The following ADARB2 variants were observed in gnomAD, a reference collection of about 807,000 sequenced individuals.
The protein encoded by ADARB2 is adenosine deaminase RNA specific B2 (inactive).
ADARB2 carries 25 observed loss-of-function variants against 62.2 expected under a neutral mutation model. The observed-to-expected ratio is 0.40, with a 90% CI of 0.29 to 0.56. ADARB2 has a LOEUF of 0.56. ADARB2 is among the 20% of genes least tolerant of loss of function. The pLI, the probability that ADARB2 is intolerant of heterozygous loss-of-function variation, is 0.43. For missense variants in ADARB2, 1,071 were observed against 1,077.4 expected (o/e 0.99, Z 0.08); for synonymous variants, 572 against 500.8 (o/e 1.14, Z -1.90).
At chr10:1,202,902 T>A (rs1837006247) in intron 7 of ADARB2, among the ~76,000 whole-genome samples, 1 of 152,250 alleles carries the variant, frequency 6.6e-6, no homozygotes, top group Non-Finnish European at 1.5e-5. Context: ...GTGGCTGTGA[T>A]GCTGCAGGAC....
intron 1 of ADARB2, among the ~76,000 whole-genome samples, chr10:1,719,651 T>C (rs1588365877): frequency 6.6e-6 from 1 of 152,156 alleles, no homozygotes; most frequent in South Asian, 2.1e-4. Context: ...ACCATGTATC[T>C]GACAAAGGTT....
At chr10:1,457,861 A>G (rs1229994447) in intron 1 of ADARB2, among the ~76,000 whole-genome samples, 1 of 42,710 alleles carries the variant, frequency 2.3e-5, no homozygotes, top group African/African-American at 6.3e-5. Context: ...AAAGACTGGA[A>G]CAAAAATCAT....
At chr10:1,364,958 C>T (rs372248145) in intron 2 of ADARB2, among the ~76,000 whole-genome samples, 22 of 151,848 alleles carry the variant, frequency 1.4e-4, no homozygotes, top group African/African-American at 2.4e-4. Context: ...CTGCAACCTC[C>T]GCCTCCCAGA....
At chr10:1,559,873 G>A (rs1239362703) in intron 1 of ADARB2, among the ~76,000 whole-genome samples, 1 of 152,216 alleles carries the variant, frequency 6.6e-6, no homozygotes, top group African/African-American at 2.4e-5. Flanking sequence ...TCTCATCATC[G>A]CTAGAGATGG....
At chr10:1,695,979 A>T (rs571337594) in intron 1 of ADARB2, among the ~76,000 whole-genome samples, 1 of 151,296 alleles carries the variant, frequency 6.6e-6, no homozygotes, top group Non-Finnish European at 1.5e-5. Flanking sequence ...GTGAGAGAAT[A>T]TGTGCATGCA....
intron 3 of ADARB2, among the ~76,000 whole-genome samples, chr10:1,280,338 G>A (rs751181007): frequency 3.9e-5 from 6 of 152,176 alleles, no homozygotes; most frequent in Non-Finnish European, 5.9e-5. Flanking sequence ...TGTTAGCCTG[G>A]TGGGTACACC....
intron 1 of ADARB2, among the ~76,000 whole-genome samples, chr10:1,441,123 C>G (rs183244564): frequency 9.2e-5 from 14 of 152,142 alleles, no homozygotes; most frequent in Admixed American, 7.9e-4. Flanking sequence ...GTGCAGTAGA[C>G]GACTAGTTTC....
At chr10:1,501,268 G>A (rs931766453) in intron 1 of ADARB2, among the ~76,000 whole-genome samples, 3 of 152,200 alleles carry the variant, frequency 2.0e-5, no homozygotes, top group Non-Finnish European at 4.4e-5. Flanking sequence ...TAGCTATGTA[G>A]GGAAACAGTT....
chr10:1,440,910 A>G (rs997517963), intron 1 of ADARB2, among the ~76,000 whole-genome samples: 2 of 152,222 alleles, frequency 1.3e-5, no homozygotes, highest in Admixed American at 6.5e-5. Context: ...ACGAAAATTC[A>G]TGTGTTCAAG....
intron 1 of ADARB2, among the ~76,000 whole-genome samples, chr10:1,427,462 C>T (rs1385938606): frequency 6.6e-6 from 1 of 152,178 alleles, no homozygotes; most frequent in Non-Finnish European, 1.5e-5. Context: ...GGCAAATAGG[C>T]ATATGAAAAG....
intron 1 of ADARB2, among the ~76,000 whole-genome samples, chr10:1,571,336 T>C (rs771216636): frequency 6.6e-6 from 1 of 152,190 alleles, no homozygotes; most frequent in Non-Finnish European, 1.5e-5. Flanking sequence ...TACAATTTCA[T>C]GAAAATATTT....
chr10:1,514,478 T>G (rs575950189), intron 1 of ADARB2, among the ~76,000 whole-genome samples: 124 of 152,136 alleles, frequency 8.2e-4, no homozygotes, highest in African/African-American at 3.0e-3. Context: ...TTATCTGGGA[T>G]GTATTTTCCT....
At position 1,369,560 on chromosome 10, in the gene ADARB2, G is replaced by A. The variant is rs570514755; in HGVS notation, c.188-5643C>T. On this transcript the variant is annotated intron_variant, in intron 2 of 9. Transcript: ENST00000381312. ...GTTACCCACACAAAAGGCAGTGGAA[G>A]GTGCAGGTGATCATTTGCTTGACTG... Among the ~76,000 whole-genome samples the A allele has an allele frequency of 2.0e-5, 3 of 152,350 alleles. No individual in the cohort carries two copies. In the East Asian group the frequency reaches 5.8e-4, roughly 29 times the overall value.
intron 8 of ADARB2, among the ~76,000 whole-genome samples, chr10:1,192,757 C>T (rs765516996): frequency 7.9e-5 from 12 of 152,138 alleles, no homozygotes; most frequent in Non-Finnish European, 1.5e-4. Flanking sequence ...CTGGCTAACA[C>T]GGTGAAATCC....
chr10:1,692,733 A>G (rs1179388228), intron 1 of ADARB2, among the ~76,000 whole-genome samples: 1 of 152,218 alleles, frequency 6.6e-6, no homozygotes, highest in Non-Finnish European at 1.5e-5. Context: ...AAAACAATAA[A>G]TACATTAATG....
At chr10:1,472,574 A>C (rs1451235563) in intron 1 of ADARB2, among the ~76,000 whole-genome samples, 1 of 152,202 alleles carries the variant, frequency 6.6e-6, no homozygotes, top group African/African-American at 2.4e-5. Flanking sequence ...TAGAGGAGAG[A>C]AATGTCATGC....
chr10:1,402,569 T>C (rs1002379993), intron 1 of ADARB2, among the ~76,000 whole-genome samples: 1 of 152,154 alleles, frequency 6.6e-6, no homozygotes, highest in East Asian at 1.9e-4. Flanking sequence ...AGACGGCTGA[T>C]GGAGGGGCTC....
chr10:1,523,385 T>C (rs1480114212), intron 1 of ADARB2, among the ~76,000 whole-genome samples: 1 of 152,196 alleles, frequency 6.6e-6, no homozygotes, highest in Non-Finnish European at 1.5e-5. Flanking sequence ...GTGGCTCGGT[T>C]ACAGGGTTAA....
chr10:1,675,289 T>C (rs1434847437), intron 1 of ADARB2: 76 of 966,478 alleles, frequency 7.9e-5, no homozygotes, highest in Admixed American at 1.3e-4. Context: ...CAGGGATGCA[T>C]GGATGTTCTG....
Sources: allele counts gnomAD v4.1 joint callset (sites outside exome capture counted in the v4.1 genomes callset), GRCh38; gene constraint gnomAD v4.1.1; transcripts MANE v1.5; gene names NCBI Gene and HGNC (gene_info 2026-07-23, HGNC 2026-07-21).